GPR55: variants seen among roughly 807,000 people sequenced by gnomAD.
GPR55 encodes G protein-coupled receptor 55, also known as G-protein coupled receptor 55.
In GPR55, 6 loss-of-function variants were observed where a neutral mutation model predicts 7.9. The ratio of observed to expected loss-of-function variants is 0.76; its 90% CI spans 0.41 to 1.49. The LOEUF (loss-of-function observed/expected upper bound fraction) is 1.49. GPR55 is among the 40% of genes most tolerant of loss of function. The probability of loss-of-function intolerance (pLI) is 0.01; values close to 1 mark genes in which losing one functional copy is unlikely to be tolerated. For synonymous variants in GPR55, 183 were observed against 166.8 expected (o/e 1.10, Z -0.75); for missense variants, 376 against 406.0 (o/e 0.93, Z 0.63).
In GPR55 at chr2:230,910,384, G is replaced by A. The variant is rs1365163734; in HGVS notation, c.579C>T (p.Pro193=). 8.7e-6 allele frequency: 14 copies of A among 1,613,992 alleles called. No homozygotes were observed. Among genetic ancestry groups the A allele is most frequent in the Non-Finnish European group, 1.2e-5 (14 of 1,180,008 alleles). The change falls in exon 2 of 2, where the codon CCC becomes CCT. Residue 193 remains proline (P), a synonymous_variant. Transcript: ENST00000650999. This position sits in a 1 kb window ranked among gnomAD's most constrained non-coding sequence, Gnocchi z 5.4. ...FPLEVFGFLL[P]MGIMGFCCSR... ...AGCAGCAGAAGCCCATGATGCCCAT[G>A]GGAAGGAGGAAGCCAAACACCTCCA...
Position 230,909,669 on chromosome 2 carries a change from GA to G in GPR55, c.*333del. The stretch of plus-strand genomic sequence containing the variant: ...TTTCCAGAACCTCCCAGTCGAACAG[GA>G]AAATGGGGAGAGTTGGAAACAGCCT... On this transcript the variant is annotated 3_prime_UTR_variant, in exon 2 of 2. Transcript: ENST00000650999. The G allele has an allele frequency of 4.4e-6, 1 of 229,362 alleles. No individual in the cohort carries two copies. The highest frequency in any genetic ancestry group is 1.0e-4 in the South Asian group (1 of 9,892). The allele number at this position is 229,362 out of a possible 1,614,324, so 14.2% of individuals were successfully genotyped here.
Position 230,909,205 on chromosome 2 carries a change from C to G in GPR55, c.*798G>C, listed in dbSNP as rs1407033685. On this transcript the variant is annotated 3_prime_UTR_variant, in exon 2 of 2. Transcript: ENST00000650999. ...CAGCACCAACACTCCGTGCTGTGGACACCCTGATGGTGATAGGGGAGGGGC... is the reference window on the plus strand; with the variant it reads ...CAGCACCAACACTCCGTGCTGTGGAGACCCTGATGGTGATAGGGGAGGGGC... The G allele has an allele frequency of 6.6e-6, 1 of 152,410 alleles. No homozygotes were observed. Among genetic ancestry groups the G allele is most frequent in the Non-Finnish European group, 1.5e-5 (1 of 68,180 alleles). The allele number at this position is 152,410 out of a possible 1,614,324, so 9.4% of individuals were successfully genotyped here.
rs1559168469 is a variant in GPR55, at chr2:230,910,064, C to T, written c.899G>A (p.Arg300Lys). The change falls in exon 2 of 2, where the codon AGG (arginine) becomes AAG (lysine). Residue 300 changes from arginine (R) to lysine (K), a missense_variant. Physicochemically the swap from Arg to Lys is conservative, Grantham distance 26 (BLOSUM62 2). Transcript: ENST00000650999. This position sits in a 1 kb window ranked among gnomAD's most constrained non-coding sequence, Gnocchi z 5.4. The stretch of plus-strand genomic sequence containing the variant: ...CTGGACCCTGGAAGGCCGGTGGGCC[C>T]TGATGTTCATGCGGAATTCTTTGAT... The part of the protein sequence containing the change: ...FVIKEFRMNI[R>K]AHRPSRVQLV... 1 of 1,614,120 alleles carries T rather than the reference C, an allele frequency of 6.2e-7. No homozygotes were observed. The highest frequency in any genetic ancestry group is 8.5e-7 in the Non-Finnish European group (1 of 1,179,972).
At chr2:230,939,437 G>A (rs1433611112) in intron 1 of GPR55, among the ~76,000 whole-genome samples, 4 of 152,302 alleles carry the variant, frequency 2.6e-5, no homozygotes, top group Non-Finnish European at 5.9e-5. Flanking sequence ...AAACCAGAAG[G>A]GGTGACAGTG....
At chr2:230,939,109 TCTC>T (rs774069907) in intron 1 of GPR55, among the ~76,000 whole-genome samples, 31 of 152,188 alleles carry the variant, frequency 2.0e-4, no homozygotes, top group Non-Finnish European at 2.8e-4. Context: ...ACCCTAGACT[TCTC>T]CTTTGTCCCT....
chr2:230,929,180 G>A (rs1014970000), upstream of GPR55, among the ~76,000 whole-genome samples: 5 of 151,986 alleles, frequency 3.3e-5, no homozygotes, highest in East Asian at 1.9e-4. Flanking sequence ...CATTGAGCCC[G>A]GATGACTCCC....
intron 1 of GPR55, among the ~76,000 whole-genome samples, chr2:230,952,819 C>T (rs1423410446): frequency 6.6e-6 from 1 of 152,230 alleles, no homozygotes; most frequent in East Asian, 1.9e-4. Flanking sequence ...CTTCCTGGCC[C>T]TTCTCTCTCC....
At chr2:230,939,339 G>A (rs1012312335) in intron 1 of GPR55, among the ~76,000 whole-genome samples, 7 of 152,322 alleles carry the variant, frequency 4.6e-5, no homozygotes, top group South Asian at 2.1e-4. Flanking sequence ...AGATGTCACA[G>A]GCCATAGAAA....
chr2:230,951,348 C>T (rs1250843805), intron 1 of GPR55, among the ~76,000 whole-genome samples: 1 of 152,084 alleles, frequency 6.6e-6, no homozygotes, highest in Non-Finnish European at 1.5e-5. Context: ...TGATTGTTGT[C>T]GTGGTGGTGT....
At chr2:230,952,187 C>G (rs1691414773) in intron 1 of GPR55, among the ~76,000 whole-genome samples, 1 of 152,216 alleles carries the variant, frequency 6.6e-6, no homozygotes, top group Non-Finnish European at 1.5e-5. Flanking sequence ...AGGCCAAGGC[C>G]TATAGGGACA....
chr2:230,932,199 T>A (rs1691060145), intron 1 of GPR55, among the ~76,000 whole-genome samples: 1 of 152,204 alleles, frequency 6.6e-6, no homozygotes, highest in African/African-American at 2.4e-5. Context: ...GCCGACCTTC[T>A]CTGGGCGCCT....
Position 230,909,980 on chromosome 2 carries a change from C to T in GPR55, c.*23G>A, listed in dbSNP as rs879073818. On this transcript the variant is annotated 3_prime_UTR_variant, in exon 2 of 2. Coordinates refer to ENST00000650999, the MANE Select transcript of GPR55 (RefSeq NM_005683.4). ...CAGAATTCAGGGCCAGGGCTTTCTTCCCCTGAACAGGATGTCCTTCCGTTA... is the reference window on the plus strand; with the variant it reads ...CAGAATTCAGGGCCAGGGCTTTCTTTCCCTGAACAGGATGTCCTTCCGTTA... 3 of 1,598,754 alleles carry T rather than the reference C, an allele frequency of 1.9e-6. No individual in the cohort carries two copies. Among genetic ancestry groups the T allele is most frequent in the Non-Finnish European group, 2.6e-6 (3 of 1,172,098 alleles).
intron 1 of GPR55, among the ~76,000 whole-genome samples, chr2:230,912,161 C>A (rs1690607863): frequency 6.6e-6 from 1 of 152,178 alleles, no homozygotes; most frequent in Non-Finnish European, 1.5e-5. Flanking sequence ...TGGAATGTGC[C>A]ACATTCACTA....
chr2:230,937,864 A>C (rs1691157681), intron 1 of GPR55, among the ~76,000 whole-genome samples: 1 of 152,042 alleles, frequency 6.6e-6, no homozygotes. Flanking sequence ...AAGATATTTA[A>C]ATCTAAAATT....
At chr2:230,951,719 G>A (rs1233948561) in intron 1 of GPR55, among the ~76,000 whole-genome samples, 1 of 151,418 alleles carries the variant, frequency 6.6e-6, no homozygotes, top group Non-Finnish European at 1.5e-5. Flanking sequence ...ATTAGGCCCA[G>A]AGAAGGTACA....
chr2:230,958,911 G>A (rs532129698), intron 1 of GPR55, among the ~76,000 whole-genome samples: 14 of 152,170 alleles, frequency 9.2e-5, no homozygotes, highest in Non-Finnish European at 1.8e-4. Flanking sequence ...TTATTAGCCG[G>A]CATTCTTCCA....
chr2:230,946,636 A>G (rs999566791), intron 1 of GPR55, among the ~76,000 whole-genome samples: 8 of 152,252 alleles, frequency 5.3e-5, no homozygotes, highest in Non-Finnish European at 1.2e-4. Flanking sequence ...TCAATGAACT[A>G]GAGATCAGTG....
intron 1 of GPR55, among the ~76,000 whole-genome samples, chr2:230,930,281 G>A (rs1454914812): frequency 6.6e-6 from 1 of 152,202 alleles, no homozygotes; most frequent in African/African-American, 2.4e-5. Context: ...TGCATAAAGT[G>A]TACTATTTCC....
chr2:230,954,235 C>T lies in GPR55; in HGVS notation c.-135+6540G>A, dbSNP rs148386103. 4.0e-3 allele frequency among the ~76,000 whole-genome samples: 611 copies of T among 152,386 alleles called. 3 individuals carry two copies. The highest frequency in any genetic ancestry group is 0.014 in the African/African-American group (566 of 41,596). ...GCACCTGGTCTCCTTGCCCCTTCCC[C>T]TGACACAGTGTAGATGGCACTGCCA... On this transcript the variant is annotated intron_variant, in intron 1 of 1. Transcript: ENST00000392039.
Sources: allele counts gnomAD v4.1 joint callset (sites outside exome capture counted in the v4.1 genomes callset), GRCh38; gene constraint gnomAD v4.1.1; non-coding constraint Gnocchi (gnomAD v3.1); transcripts MANE v1.5; gene names NCBI Gene and HGNC (gene_info 2026-07-23, HGNC 2026-07-21).